Variants in GALNTL6 observed in about 807,000 individuals in gnomAD.
The protein encoded by GALNTL6 is polypeptide N-acetylgalactosaminyltransferase like 6.
GALNTL6 carries 46 observed loss-of-function variants against 73.7 expected under a neutral mutation model. The observed-to-expected ratio is 0.62, with a 90% CI of 0.49 to 0.80. The LOEUF (loss-of-function observed/expected upper bound fraction) is 0.80, where lower values mean the gene tolerates loss of function less well. GALNTL6 is among the 30% of genes least tolerant of loss of function. The pLI, the probability that GALNTL6 is intolerant of heterozygous loss-of-function variation, is 0.00. For missense variants in GALNTL6, 604 were observed against 755.0 expected (o/e 0.80, Z 2.34); for synonymous variants, 259 against 263.7 (o/e 0.98, Z 0.17).
At chr4:172,703,860 T>C (rs1022660290) in intron 5 of GALNTL6, among the ~76,000 whole-genome samples, 3 of 151,992 alleles carry the variant, frequency 2.0e-5, no homozygotes, top group African/African-American at 7.2e-5. Flanking sequence ...TAATTAATGA[T>C]TCAACCTCTT....
chr4:172,444,659 G>GA (rs1316450772), intron 5 of GALNTL6, among the ~76,000 whole-genome samples: 1 of 152,026 alleles, frequency 6.6e-6, no homozygotes, highest in Non-Finnish European at 1.5e-5. Context: ...AAACCATTAT[G>GA]AAAAAAATTT....
At chr4:172,622,763 G>C (rs1739013317) in intron 5 of GALNTL6, among the ~76,000 whole-genome samples, 2 of 152,122 alleles carry the variant, frequency 1.3e-5, no homozygotes, top group African/African-American at 4.8e-5. Context: ...TGTGTGCCAG[G>C]TACAGTAGAA....
chr4:172,341,350 C>T (rs1344416736), intron 4 of GALNTL6, among the ~76,000 whole-genome samples: 1 of 143,952 alleles, frequency 6.9e-6, no homozygotes. Context: ...ACTTGGGAGG[C>T]TGAGGCAGGA....
intron 5 of GALNTL6, among the ~76,000 whole-genome samples, chr4:172,797,235 A>C (rs914150957): frequency 6.6e-6 from 1 of 152,046 alleles, no homozygotes; most frequent in African/African-American, 2.4e-5. Flanking sequence ...GCTGTATGGC[A>C]CCTAAGAGTT....
intron 3 of GALNTL6, among the ~76,000 whole-genome samples, chr4:172,253,206 G>A (rs775240066): frequency 4.6e-5 from 7 of 151,900 alleles, no homozygotes; most frequent in Non-Finnish European, 7.4e-5. Flanking sequence ...TAAACCCGTC[G>A]GATATGTCAT....
At chr4:172,350,812 G>A (rs779662967) in intron 5 of GALNTL6, among the ~76,000 whole-genome samples, 25 of 152,050 alleles carry the variant, frequency 1.6e-4, no homozygotes, top group Non-Finnish European at 3.2e-4. Context: ...ATTGGTTGAT[G>A]TACATTAGCA....
At chr4:172,992,389 G>T (rs1751582638) in intron 10 of GALNTL6, among the ~76,000 whole-genome samples, 1 of 152,190 alleles carries the variant, frequency 6.6e-6, no homozygotes. Context: ...TGTCTAAATT[G>T]TGAAGACATT....
chr4:171,844,336 AT>A (rs893611745), intron 2 of GALNTL6, among the ~76,000 whole-genome samples: 1 of 151,706 alleles, frequency 6.6e-6, no homozygotes, highest in African/African-American at 2.4e-5. Context: ...TCTAAGGTGT[AT>A]TTTTTTTCTA....
chr4:172,227,904 G>T (rs1325851010), intron 2 of GALNTL6, among the ~76,000 whole-genome samples: 1 of 152,092 alleles, frequency 6.6e-6, no homozygotes, highest in Admixed American at 6.6e-5. Flanking sequence ...ATACCTCCAT[G>T]TTTCATGTCA....
At chr4:172,874,256 G>C (rs1431209187) in intron 7 of GALNTL6, among the ~76,000 whole-genome samples, 1 of 152,198 alleles carries the variant, frequency 6.6e-6, no homozygotes, top group Non-Finnish European at 1.5e-5. Context: ...GGAGAGATAA[G>C]AGCCTGGACT....
At chr4:172,742,984 T>G (rs1474569661) in intron 5 of GALNTL6, among the ~76,000 whole-genome samples, 1 of 152,010 alleles carries the variant, frequency 6.6e-6, no homozygotes, top group Non-Finnish European at 1.5e-5. Flanking sequence ...GGTCAAATAA[T>G]CCCAATTAAT....
intron 10 of GALNTL6, among the ~76,000 whole-genome samples, chr4:172,976,443 A>T (rs756014600): frequency 6.6e-6 from 1 of 152,204 alleles, no homozygotes; most frequent in Non-Finnish European, 1.5e-5. Context: ...TCACATAAGT[A>T]TATCCCTGCA....
chr4:172,369,220 A>C (rs977321091), intron 5 of GALNTL6, among the ~76,000 whole-genome samples: 1 of 152,104 alleles, frequency 6.6e-6, no homozygotes, highest in Non-Finnish European at 1.5e-5. Flanking sequence ...CAGAGTGCTG[A>C]CTGGTGCATT....
At chr4:172,040,994 C>T (rs908259361) in intron 2 of GALNTL6, among the ~76,000 whole-genome samples, 15 of 151,968 alleles carry the variant, frequency 9.9e-5, no homozygotes, top group Admixed American at 4.6e-4. Flanking sequence ...ATTGTTTATA[C>T]AATCATTTAT....
chr4:172,705,349 G>T (rs1579366698), intron 5 of GALNTL6, among the ~76,000 whole-genome samples: 3 of 148,554 alleles, frequency 2.0e-5, no homozygotes, highest in Non-Finnish European at 4.5e-5. Context: ...TTATATTATA[G>T]GTTTTTGCTG....
chr4:172,596,460 GA>G (rs35054572), intron 5 of GALNTL6, among the ~76,000 whole-genome samples: 169 of 140,400 alleles, frequency 1.2e-3, no homozygotes, highest in African/African-American at 4.0e-3. Context: ...AAAAAAAAAA[GA>G]AAAAAAAAAA....
intron 5 of GALNTL6, among the ~76,000 whole-genome samples, chr4:172,716,341 A>C (rs767797903): frequency 5.3e-5 from 8 of 152,304 alleles, no homozygotes; most frequent in Non-Finnish European, 1.0e-4. Context: ...AACCCAGTCC[A>C]TGTTATGATG....
At chr4:171,836,741 A>G (rs1182642447) in intron 2 of GALNTL6, among the ~76,000 whole-genome samples, 1 of 152,140 alleles carries the variant, frequency 6.6e-6, no homozygotes, top group Non-Finnish European at 1.5e-5. Flanking sequence ...GGAGAGGGGA[A>G]GTTGGCATTT....
intron 4 of GALNTL6, among the ~76,000 whole-genome samples, chr4:172,343,538 T>C (rs1343353929): frequency 6.6e-6 from 1 of 152,152 alleles, no homozygotes; most frequent in Non-Finnish European, 1.5e-5. Flanking sequence ...AAACCACTTA[T>C]TTTAATAAAA....
Sources: allele counts gnomAD v4.1 joint callset (sites outside exome capture counted in the v4.1 genomes callset), GRCh38; gene constraint gnomAD v4.1.1; transcripts MANE v1.5; gene names NCBI Gene and HGNC (gene_info 2026-07-23, HGNC 2026-07-21).